Variants in LYPLAL1 observed in about 807,000 individuals in gnomAD.
LYPLAL1 encodes the protein lysophospholipase-like protein 1.
LYPLAL1 carries 23 observed loss-of-function variants against 19.7 expected under a neutral mutation model. That is an observed-to-expected ratio of 1.17 (90% CI 0.84 to 1.65). The LOEUF is 1.65. LYPLAL1 is among the 40% of genes most tolerant of loss of function. The probability of loss-of-function intolerance (pLI) is 0.00; values close to 1 mark genes in which losing one functional copy is unlikely to be tolerated. For missense variants in LYPLAL1, 355 were observed against 279.4 expected, an observed-to-expected ratio of 1.27 and a Z score of -1.93; for synonymous variants, 119 against 96.3, an observed-to-expected ratio of 1.24 and a Z score of -1.38.
the LYPLAL1 span, among the ~76,000 whole-genome samples, chr1:219,219,995 A>T: frequency 6.6e-6 from 1 of 152,098 alleles, no homozygotes; most frequent in Non-Finnish European, 1.5e-5. Context: ...GAAGATAGCA[A>T]TGATTAAAGT....
the LYPLAL1 span, among the ~76,000 whole-genome samples, chr1:219,431,588 T>C: frequency 6.6e-5 from 10 of 152,338 alleles, no homozygotes; most frequent in East Asian, 1.4e-3. Context: ...CTGTGCAGCT[T>C]ATTTCTGCTT....
chr1:219,409,744 C>A, the LYPLAL1 span: 2 of 152,270 alleles, frequency 1.3e-5, no homozygotes, highest in East Asian at 3.9e-4. Context: ...TTCCAGCCAG[C>A]AGAAGGGAGA....
intron 3 of LYPLAL1, chr1:219,200,634 G>C: frequency 4.8e-6 from 1 of 206,544 alleles, no homozygotes; most frequent in East Asian, 1.3e-4. Context: ...TCTCTTTTGG[G>C]GGTAGTGTTC....
rs1553299872 is a variant in LYPLAL1 at position 219,193,065 on chromosome 1, G to GGA, written c.192-16_192-15insAG. Reference sequence around the variant, plus strand: ...TTTTCCTTTCTTTTTTTTTGGGGGGGGGCGGTTGTTAAACAGATCATATAC... The same window carrying GGA: ...TTTTCCTTTCTTTTTTTTTGGGGGGGGAGGCGGTTGTTAAACAGATCATATAC... On this transcript the variant is annotated splice_polypyrimidine_tract_variant and intron_variant, in intron 2 of 4. Transcript: ENST00000366928. 17 of 1,516,846 alleles carry GGA rather than the reference G, an allele frequency of 1.1e-5. No individual in the cohort carries two copies. The highest frequency in any genetic ancestry group is 1.5e-5 in the Non-Finnish European group (17 of 1,125,780). The allele number at this position is 1,516,846 out of a possible 1,614,324, so 94.0% of individuals were successfully genotyped here. A position where few individuals can be genotyped will look rare whatever the true frequency, so the allele number is the denominator to read the frequency against.
At chr1:219,266,678 A>T in the LYPLAL1 span, among the ~76,000 whole-genome samples, 1 of 152,194 alleles carries the variant, frequency 6.6e-6, no homozygotes, top group Non-Finnish European at 1.5e-5. Context: ...TGTTTAGATC[A>T]GCATCACCAC....
At chr1:219,376,335 C>T in the LYPLAL1 span, among the ~76,000 whole-genome samples, 1 of 152,140 alleles carries the variant, frequency 6.6e-6, no homozygotes, top group East Asian at 1.9e-4. Flanking sequence ...AAAATTAACT[C>T]AAAATGGATT....
the LYPLAL1 span, among the ~76,000 whole-genome samples, chr1:219,367,060 C>A: frequency 6.6e-6 from 1 of 151,916 alleles, no homozygotes; most frequent in Non-Finnish European, 1.5e-5. Context: ...GACTACTTGC[C>A]TGCGGTGCTT....
chr1:219,259,056 A>T, the LYPLAL1 span, among the ~76,000 whole-genome samples: 1 of 152,062 alleles, frequency 6.6e-6, no homozygotes, highest in East Asian at 1.9e-4. Context: ...AATAAAAACA[A>T]CAATGCAATG....
chr1:219,233,771 C>CA, the LYPLAL1 span, among the ~76,000 whole-genome samples: 141,804 of 146,754 alleles, frequency 0.97, 68,580 homozygotes, highest in South Asian at 1. Flanking sequence ...GACCCTGTCT[C>CA]AAAAAAAAAA....
chr1:219,281,288 T>TA, the LYPLAL1 span, among the ~76,000 whole-genome samples: 1 of 148,292 alleles, frequency 6.7e-6, no homozygotes, highest in Non-Finnish European at 1.5e-5. Flanking sequence ...GCCAGTAACT[T>TA]AAAAAAATAA....
chr1:219,409,183 T>G, the LYPLAL1 span, among the ~76,000 whole-genome samples: 1 of 152,154 alleles, frequency 6.6e-6, no homozygotes, highest in African/African-American at 2.4e-5. Flanking sequence ...GTGTAGTGGC[T>G]CACGCCTGTA....
At chr1:219,177,145 C>T (rs1338693977) in intron 1 of LYPLAL1, among the ~76,000 whole-genome samples, 15 of 152,072 alleles carry the variant, frequency 9.9e-5, no homozygotes, top group Admixed American at 8.5e-4. Flanking sequence ...AAAGCCAAGT[C>T]GGAGGCTCCA....
chr1:219,294,655 G>C, the LYPLAL1 span, among the ~76,000 whole-genome samples: 2 of 152,106 alleles, frequency 1.3e-5, no homozygotes, highest in African/African-American at 4.8e-5. Context: ...TGTGATGACT[G>C]TTCTACCATA....
the LYPLAL1 span, among the ~76,000 whole-genome samples, chr1:219,296,501 C>A: frequency 6.6e-6 from 1 of 151,980 alleles, no homozygotes; most frequent in African/African-American, 2.4e-5. Context: ...TTTGAGACAC[C>A]TGCAGAGGGA....
At chr1:219,311,246 A>G in the LYPLAL1 span, among the ~76,000 whole-genome samples, 1 of 151,906 alleles carries the variant, frequency 6.6e-6, no homozygotes, top group South Asian at 2.1e-4. Flanking sequence ...AATGCAATAT[A>G]TGTTCTTGAA....
chr1:219,403,298 A>G, the LYPLAL1 span, among the ~76,000 whole-genome samples: 2 of 152,344 alleles, frequency 1.3e-5, no homozygotes, highest in East Asian at 3.9e-4. Context: ...ACAGTCACTC[A>G]CAACATAGGG....
At chr1:219,315,691 T>A in the LYPLAL1 span, among the ~76,000 whole-genome samples, 1 of 152,184 alleles carries the variant, frequency 6.6e-6, no homozygotes, top group African/African-American at 2.4e-5. Flanking sequence ...CCATCTTTAG[T>A]TCCAGGATAT....
intron 4 of LYPLAL1, among the ~76,000 whole-genome samples, chr1:219,211,226 A>G (rs1185390562): frequency 6.6e-6 from 1 of 152,126 alleles, no homozygotes. Flanking sequence ...TAGTTTCTTT[A>G]GGAAATGCTT....
the LYPLAL1 span, among the ~76,000 whole-genome samples, chr1:219,251,133 T>A: frequency 6.6e-6 from 1 of 152,010 alleles, no homozygotes; most frequent in Non-Finnish European, 1.5e-5. Context: ...AATGGGGTTG[T>A]TTTTCTCATA....
Sources: allele counts gnomAD v4.1 joint callset (sites outside exome capture counted in the v4.1 genomes callset), GRCh38; gene constraint gnomAD v4.1.1; transcripts MANE v1.5; gene names NCBI Gene and HGNC (gene_info 2026-07-23, HGNC 2026-07-21).